SPTBN2: variants seen among roughly 807,000 people sequenced by gnomAD.
SPTBN2 encodes spectrin beta, non-erythrocytic 2.
SPTBN2 carries 107 observed loss-of-function variants against 284.2 expected under a neutral mutation model. The ratio of observed to expected loss-of-function variants is 0.38; its 90% CI spans 0.32 to 0.44. The LOEUF (loss-of-function observed/expected upper bound fraction) is 0.44, where lower values mean the gene tolerates loss of function less well. SPTBN2 is among the 20% of genes least tolerant of loss of function. The pLI, the probability that SPTBN2 is intolerant of heterozygous loss-of-function variation, is 1.00. For synonymous variants in SPTBN2, 1,289 were observed against 1,354.8 expected (o/e 0.95, Z 1.07); for missense variants, 2,569 against 3,287.1 (o/e 0.78, Z 5.34).
rs920608892 is a variant in SPTBN2 at position 66,699,314 on chromosome 11, G to C, written c.3776+92C>G. 116 of 1,508,444 alleles carry C rather than the reference G, an allele frequency of 7.7e-5. 2 individuals are homozygous for C. The highest frequency in any genetic ancestry group is 2.2e-4 in the Middle Eastern group (1 of 4,510). 93.4% of individuals were successfully genotyped at this position (1,508,444 alleles called of 1,614,324 possible). A position where few individuals can be genotyped will look rare whatever the true frequency, so the allele number is the denominator to read the frequency against. Reference sequence around the variant, plus strand: ...TTCTCTGTCAGCTCCTGCCCCATCTGTGGGTTTCCTGTGCCACGTTTATCT... The same window carrying C: ...TTCTCTGTCAGCTCCTGCCCCATCTCTGGGTTTCCTGTGCCACGTTTATCT... On this transcript the variant is annotated intron_variant, in intron 18 of 37. Coordinates refer to ENST00000533211, the MANE Select transcript of SPTBN2 (RefSeq NM_006946.4).
rs773217837 is a variant in SPTBN2, at chr11:66,699,049, A to G, written c.3810T>C (p.Phe1270=). The G allele has an allele frequency of 6.2e-6, 10 of 1,614,104 alleles. No homozygotes were observed. The Admixed American group carries it at 1.7e-4, about 27-fold the overall frequency. The change falls in exon 19 of 38, where the codon TTT becomes TTC. Residue 1270 remains phenylalanine (F), a synonymous_variant. Transcript: ENST00000533211. ...CCCGGTTGTCCCGAAGACGGCCCAG[A>G]AATTGCTGCGCTGCGTCTTGATTCT... ...HKKNQDAAQQ[F]LGRLRDNREQ...
Position 66,692,962 on chromosome 11 carries a change from G to A in SPTBN2, c.4985+8C>T. The stretch of plus-strand genomic sequence containing the variant: ...CCCCAGGCTGGGCCGGGCTGCCGCT[G>A]CACCCACCTCTCTGGGTGCTCGTGG... On this transcript the variant is annotated splice_region_variant and intron_variant, in intron 25 of 37. Coordinates refer to ENST00000533211, the MANE Select transcript of SPTBN2 (RefSeq NM_006946.4). 1 of 1,603,142 alleles carries A rather than the reference G, an allele frequency of 6.2e-7. No individual in the cohort carries two copies. Among genetic ancestry groups the A allele is most frequent in the Non-Finnish European group, 8.5e-7 (1 of 1,179,930 alleles).
chr11:66,688,439 A>G, intron 31 of SPTBN2, 128 bp from the exon 32 acceptor site: 1 of 1,529,628 alleles, frequency 6.5e-7, no homozygotes, highest in Non-Finnish European at 8.8e-7. Flanking sequence ...ATTTGAGAAG[A>G]TGGTGGGGAC....
rs900385202 is a variant in SPTBN2 at position 66,718,962 on chromosome 11, G to A, written c.157+2122C>T. Among the ~76,000 whole-genome samples, 1 of 152,158 alleles carries A rather than the reference G, an allele frequency of 6.6e-6. No individual in the cohort carries two copies. Among genetic ancestry groups the A allele is most frequent in the Admixed American group, 6.5e-5 (1 of 15,288 alleles). On this transcript the variant is annotated intron_variant, in intron 3 of 37. Coordinates refer to ENST00000533211, the MANE Select transcript of SPTBN2 (RefSeq NM_006946.4). This position sits in a 1 kb window ranked among gnomAD's most constrained non-coding sequence, Gnocchi z 4.8. ...GGCACTGCCAGCGCCTTCAAGACCC[G>A]CCCATCAGGCCCCAAGTTACCTAAC...
intron 16 of SPTBN2, 111 bp from the exon 17 acceptor site, chr11:66,701,393 A>C: frequency 6.5e-7 from 1 of 1,532,980 alleles, no homozygotes; most frequent in Non-Finnish European, 8.8e-7. Context: ...CTTTCTGGCC[A>C]GCAGCCGCTT....
chr11:66,685,560 T>G lies in SPTBN2; in HGVS notation c.*311A>C. The stretch of plus-strand genomic sequence containing the variant: ...GGGCAGCCACTCCCCACATGGCCTA[T>G]GTTGAGGGTGCGGCACTGTCCACAC... On this transcript the variant is annotated 3_prime_UTR_variant, in exon 38 of 38. Coordinates refer to ENST00000533211, the MANE Select transcript of SPTBN2 (RefSeq NM_006946.4). The surrounding 1 kb of genome is among the most constrained non-coding windows in gnomAD (Gnocchi z 4.4). The G allele has an allele frequency of 5.0e-5, 19 of 379,690 alleles. No homozygotes were observed. Among genetic ancestry groups the G allele is most frequent in the Middle Eastern group, 8.4e-4 (1 of 1,188 alleles). The allele number at this position is 379,690 out of a possible 1,614,324, so 23.5% of individuals were successfully genotyped here.
intron 30 of SPTBN2, 46 bp from the exon 31 acceptor site, chr11:66,688,895 A>G (rs1202742463): frequency 1.2e-6 from 2 of 1,604,706 alleles, no homozygotes; most frequent in Non-Finnish European, 8.5e-7. Context: ...CAGAGTGGCC[A>G]CTGGCAGGGC....
Position 66,683,300 on chromosome 11 carries a change from T to C in SPTBN2, c.*2571A>G, listed in dbSNP as rs1244809496. Among the ~76,000 whole-genome samples the C allele has an allele frequency of 1.3e-5, 2 of 151,146 alleles. No individual in the cohort carries two copies. Among genetic ancestry groups the C allele is most frequent in the East Asian group, 2.0e-4 (1 of 5,090 alleles). Reference sequence around the variant, plus strand: ...CCGGGATGGTCTCGATCTCCTGACCTCGTGATCCGCCCGCCTCGGCCTCCC... The same window carrying C: ...CCGGGATGGTCTCGATCTCCTGACCCCGTGATCCGCCCGCCTCGGCCTCCC... On this transcript the variant is annotated 3_prime_UTR_variant, in exon 38 of 38. Coordinates refer to ENST00000533211, the MANE Select transcript of SPTBN2 (RefSeq NM_006946.4).
In SPTBN2 at chr11:66,685,637, G is replaced by A; in HGVS notation, c.*234C>T. ...TGGGGAAAGGGGAGAAGTCGGCGGG[G>A]GTGGGAGAGGGGGTTACCTGGGTCC... On this transcript the variant is annotated 3_prime_UTR_variant, in exon 38 of 38. Transcript: ENST00000533211. This position sits in a 1 kb window ranked among gnomAD's most constrained non-coding sequence, Gnocchi z 4.4. 1 of 550,886 alleles carries A rather than the reference G, an allele frequency of 1.8e-6. No homozygotes were observed. The highest frequency in any genetic ancestry group is 3.2e-5 in the East Asian group (1 of 31,060). The allele number at this position is 550,886 out of a possible 1,614,324, so 34.1% of individuals were successfully genotyped here. A position where few individuals can be genotyped will look rare whatever the true frequency, so the allele number is the denominator to read the frequency against.
At chr11:66,711,998 G>A (rs1042191548) in intron 8 of SPTBN2, among the ~76,000 whole-genome samples, 3 of 152,178 alleles carry the variant, frequency 2.0e-5, no homozygotes, top group African/African-American at 2.4e-5. Context: ...TCCAGCAGGC[G>A]AGCCTTTCTC....
At chr11:66,696,632 C>A (rs1940932736) in intron 20 of SPTBN2, 92 bp from the exon 21 acceptor site, 3 of 1,539,816 alleles carry the variant, frequency 1.9e-6, no homozygotes, top group Admixed American at 3.3e-5. Flanking sequence ...GCAGTAGAGA[C>A]CTGAAGTGTG....
intron 1 of SPTBN2, among the ~76,000 whole-genome samples, chr11:66,743,891 G>A (rs946773223): frequency 1.3e-5 from 2 of 151,990 alleles, no homozygotes; most frequent in Non-Finnish European, 2.9e-5. Flanking sequence ...ACAGAGTTTC[G>A]CTCTTTTTGC....
In SPTBN2 at chr11:66,696,397, C is replaced by T; in HGVS notation, c.4158G>A (p.Glu1386=). 6.2e-7 allele frequency: 1 copy of T among 1,613,394 alleles called. No homozygotes were observed. The highest frequency in any genetic ancestry group is 8.5e-7 in the Non-Finnish European group (1 of 1,180,022). ...ARSLFDANRA[E]LFAQSCCALE... is the part of the protein sequence containing the mutation. ...GGGCACAGCAGCTCTGGGCAAACAGCTCAGCTCGGTTGGCATCAAAGAGGC... is the reference window on the plus strand; with the variant it reads ...GGGCACAGCAGCTCTGGGCAAACAGTTCAGCTCGGTTGGCATCAAAGAGGC... The change falls in exon 21 of 38, where the codon GAG becomes GAA. Residue 1386 remains glutamate (E), a synonymous_variant. Transcript: ENST00000533211.
At chr11:66,686,167 A>T (rs956010428) in intron 37 of SPTBN2, 63 bp from the exon 38 acceptor site, 1 of 1,522,962 alleles carries the variant, frequency 6.6e-7, no homozygotes, top group South Asian at 1.1e-5. Flanking sequence ...CGCAGTGGAC[A>T]GCAGGGAAGT....
At position 66,704,618 on chromosome 11, in the gene SPTBN2, G is replaced by C. The variant is rs763847553; in HGVS notation, c.2658C>G (p.Asp886Glu). 5 of 1,612,032 alleles carry C rather than the reference G, an allele frequency of 3.1e-6. No individual in the cohort carries two copies. The African/African-American group carries it at 6.7e-5, about 22-fold the overall frequency. ...NGLALPERLEDLEVVQQRFET... is the reference protein window; with the variant it reads ...NGLALPERLEELEVVQQRFET... ...CCTACCTCTGCTGCACGACCTCCAG[G>C]TCCTCCAGGCGTTCAGGCAGGGCCA... is the stretch of plus-strand genomic sequence containing the variant. Residue 886 changes from aspartate to glutamate, a missense_variant, in exon 15 of 38, where the codon GAC becomes GAG. Asp to Glu is a conservative substitution (Grantham distance 45, BLOSUM62 2). Transcript: ENST00000533211.
At chr11:66,692,215 C>G (rs975084515) in intron 26 of SPTBN2, among the ~76,000 whole-genome samples, 2 of 152,126 alleles carry the variant, frequency 1.3e-5, no homozygotes, top group Non-Finnish European at 2.9e-5. Context: ...GGCCTACAGG[C>G]ATGCACGGCT....
At chr11:66,744,214 A>G (rs1156452147) in intron 1 of SPTBN2, among the ~76,000 whole-genome samples, 1 of 152,206 alleles carries the variant, frequency 6.6e-6, no homozygotes, top group Non-Finnish European at 1.5e-5. Context: ...TGTCCCAAAA[A>G]TTGCCGAGAT....
Position 66,701,629 on chromosome 11 carries a change from G to C in SPTBN2, c.2771C>G (p.Pro924Arg). Reference protein sequence around the residue: ...IAEQLLKANPPGKDRIVNTQE... With the variant: ...IAEQLLKANPRGKDRIVNTQE... Reference sequence around the variant, plus strand: ...GGTGTTGACAATGCGGTCTTTGCCTGGGGGGTTGGCCTTCAGTAACTGCTC... The same window carrying C: ...GGTGTTGACAATGCGGTCTTTGCCTCGGGGGTTGGCCTTCAGTAACTGCTC... The change falls in exon 16 of 38, where the codon CCA becomes CGA. Residue 924 changes from proline (P) to arginine (R), a missense_variant. Around this residue, in one of 6 missense-constraint regions of SPTBN2, gnomAD observed 1,012 missense variants for 1,248.9 expected, o/e 0.81. Transcript: ENST00000533211. 2 of 1,614,088 alleles carry C rather than the reference G, an allele frequency of 1.2e-6. No homozygotes were observed. Among genetic ancestry groups the C allele is most frequent in the South Asian group, 1.1e-5 (1 of 91,082 alleles).
chr11:66,716,083 G>A (rs1942131990), intron 3 of SPTBN2, 102 bp from the exon 4 acceptor site: 6 of 1,513,778 alleles, frequency 4.0e-6, no homozygotes, highest in Middle Eastern at 2.3e-4. Flanking sequence ...TGAGAGATGG[G>A]AAGCGGGGTC....
Sources: allele counts gnomAD v4.1 joint callset (sites outside exome capture counted in the v4.1 genomes callset), GRCh38; gene constraint gnomAD v4.1.1; regional missense constraint gnomAD v4.1.1; non-coding constraint Gnocchi (gnomAD v3.1); transcripts MANE v1.5; gene names NCBI Gene and HGNC (gene_info 2026-07-23, HGNC 2026-07-21).